Variants in WDR41 observed in about 807,000 individuals in gnomAD.
WDR41 encodes the protein WD repeat domain 41, also known as WD repeat-containing protein 41.
In WDR41, 63 loss-of-function variants were observed where a neutral mutation model predicts 69.3. That is an observed-to-expected ratio of 0.91 (90% CI 0.74 to 1.12). The LOEUF is 1.12. Among genes scored for constraint, WDR41 ranks in the 50% most tolerant of loss-of-function variants. The pLI, the probability that WDR41 is intolerant of heterozygous loss-of-function variation, is 0.00. For synonymous variants in WDR41, 185 were observed against 192.1 expected (o/e 0.96, Z 0.31); for missense variants, 543 against 534.5 (o/e 1.02, Z -0.16).
chr5:77,471,539 TAAA>T (rs1359092327), intron 2 of WDR41, among the ~76,000 whole-genome samples: 2 of 151,196 alleles, frequency 1.3e-5, no homozygotes, highest in Non-Finnish European at 3.0e-5. Context: ...GTAAGACTAA[TAAA>T]GAAGAAAAGA....
At chr5:77,524,872 T>G (rs1802423448) in intron 1 of WDR41, among the ~76,000 whole-genome samples, 1 of 152,228 alleles carries the variant, frequency 6.6e-6, no homozygotes, top group Non-Finnish European at 1.5e-5. Flanking sequence ...AGCTTAGGCT[T>G]TTGTGTTCAT....
chr5:77,534,665 CTCAAATTA>C (rs1255792163), intron 1 of WDR41, among the ~76,000 whole-genome samples: 3 of 152,072 alleles, frequency 2.0e-5, no homozygotes, highest in Admixed American at 2.0e-4. Flanking sequence ...AACCCCTGAG[CTCAAATTA>C]TCCTCCCACC....
chr5:77,558,601 G>A (rs189882319), intron 1 of WDR41, among the ~76,000 whole-genome samples: 3 of 152,232 alleles, frequency 2.0e-5, no homozygotes, highest in Non-Finnish European at 4.4e-5. Context: ...ATTTGTTTAC[G>A]CTATTAAACA....
intron 1 of WDR41, among the ~76,000 whole-genome samples, chr5:77,532,579 A>G (rs1802543463): frequency 6.6e-6 from 1 of 152,122 alleles, no homozygotes; most frequent in African/African-American, 2.4e-5. Flanking sequence ...ATGGATAAGT[A>G]AACAGTAGGG....
At chr5:77,583,195 A>C in intron 1 of WDR41, 1 of 809,204 alleles carries the variant, frequency 1.2e-6, no homozygotes, top group Admixed American at 2.7e-5. Flanking sequence ...GAAATAAAAA[A>C]AAAAAGTGCA....
At chr5:77,494,967 C>T (rs1801916040), upstream of WDR41, among the ~76,000 whole-genome samples, 1 of 152,038 alleles carries the variant, frequency 6.6e-6, no homozygotes. Flanking sequence ...CTGACCACAA[C>T]AGGAATCAGT....
chr5:77,559,967 T>TGCTCACACA (rs1743491373), intron 1 of WDR41, among the ~76,000 whole-genome samples: 2 of 152,096 alleles, frequency 1.3e-5, no homozygotes, highest in African/African-American at 4.8e-5. Flanking sequence ...CTAGTCAGTG[T>TGCTCACACA]GTGAGACACA....
intron 4 of WDR41, among the ~76,000 whole-genome samples, chr5:77,462,447 C>G: frequency 6.7e-6 from 1 of 149,424 alleles, no homozygotes; most frequent in Non-Finnish European, 1.5e-5. Flanking sequence ...ATACCTATGT[C>G]AAAGGGCTAA....
rs1373255825 is a variant in WDR41, at chr5:77,443,832, G to C, written c.698-2835C>G. Among the ~76,000 whole-genome samples the C allele has an allele frequency of 3.3e-5, 5 of 149,266 alleles. No individual in the cohort carries two copies. The South Asian group carries it at 6.3e-4, about 19-fold the overall frequency. ...GAAACAAAATATTAATGACCAGTTG[G>C]AATTTTCCCTAAAAATAAAATACGG... On this transcript the variant is annotated intron_variant, in intron 8 of 12. Coordinates refer to ENST00000296679, the MANE Select transcript of WDR41 (RefSeq NM_018268.4).
At chr5:77,488,901 A>G (rs1369654780) in intron 2 of WDR41, among the ~76,000 whole-genome samples, 1 of 152,222 alleles carries the variant, frequency 6.6e-6, no homozygotes, top group Non-Finnish European at 1.5e-5. Context: ...ACATATATAC[A>G]TATCAGTAAT....
chr5:77,446,769 A>C (rs1028139491), intron 8 of WDR41, among the ~76,000 whole-genome samples: 10 of 152,336 alleles, frequency 6.6e-5, no homozygotes, highest in African/African-American at 2.4e-4. Context: ...TTATACAAAA[A>C]TTAACTCAAG....
At chr5:77,483,542 G>C (rs1009404276) in intron 2 of WDR41, among the ~76,000 whole-genome samples, 5 of 149,410 alleles carry the variant, frequency 3.3e-5, no homozygotes, top group African/African-American at 7.4e-5. Context: ...CGTATGCATT[G>C]ATATACTTCT....
intron 1 of WDR41, 125 bp downstream of exon 1, chr5:77,492,045 G>C (rs1472315887): frequency 3.3e-6 from 4 of 1,215,186 alleles, no homozygotes; most frequent in Admixed American, 4.6e-5. Context: ...CGCGTGGCAC[G>C]AGCTCAGCAG....
intron 1 of WDR41, among the ~76,000 whole-genome samples, chr5:77,588,791 T>A (rs1744084024): frequency 6.6e-6 from 1 of 152,164 alleles, no homozygotes; most frequent in African/African-American, 2.4e-5. Flanking sequence ...TGTGTTTTTG[T>A]TTTAAAAAAA....
At chr5:77,478,095 G>A (rs1468219976) in intron 2 of WDR41, among the ~76,000 whole-genome samples, 4 of 152,114 alleles carry the variant, frequency 2.6e-5, no homozygotes, top group East Asian at 1.9e-4. Flanking sequence ...TAAATTCCTC[G>A]ACACATACAC....
intron 2 of WDR41, among the ~76,000 whole-genome samples, chr5:77,466,442 TC>T (rs1444734111): frequency 6.6e-6 from 1 of 151,908 alleles, no homozygotes; most frequent in African/African-American, 2.4e-5. Flanking sequence ...TCTTAAGTGT[TC>T]TTTGGTATAA....
In WDR41 at chr5:77,614,110, C is replaced by A. The variant is rs1389795739; in HGVS notation, c.42+6369G>T. 1.3e-4 allele frequency among the ~76,000 whole-genome samples: 20 copies of A among 152,008 alleles called. No individual in the cohort carries two copies. In the East Asian group the frequency reaches 3.7e-3, roughly 28 times the overall value. On this transcript the variant is annotated intron_variant, in intron 1 of 5. Coordinates refer to the WDR41 transcript ENST00000509971. ...ACCACAACGAGATACCATCTCACAC[C>A]AGTTAGAATGGCAATCATTAAAAAG...
intron 1 of WDR41, among the ~76,000 whole-genome samples, chr5:77,549,184 A>G (rs12522819): frequency 6.6e-6 from 1 of 152,174 alleles, no homozygotes; most frequent in Non-Finnish European, 1.5e-5. Flanking sequence ...GGTGCAGTGT[A>G]TACTGCCTGG....
intron 1 of WDR41, among the ~76,000 whole-genome samples, chr5:77,499,135 C>T (rs773590501): frequency 6.6e-6 from 1 of 152,180 alleles, no homozygotes; most frequent in Non-Finnish European, 1.5e-5. Context: ...TTGAACACAA[C>T]TATAAACCTT....
Sources: allele counts gnomAD v4.1 joint callset (sites outside exome capture counted in the v4.1 genomes callset), GRCh38; gene constraint gnomAD v4.1.1; transcripts MANE v1.5; gene names NCBI Gene and HGNC (gene_info 2026-07-23, HGNC 2026-07-21).